Variants in KIAA1958 observed in about 807,000 individuals in gnomAD.
KIAA1958 encodes the protein uncharacterized protein KIAA1958.
KIAA1958 carries 14 observed loss-of-function variants against 47.2 expected under a neutral mutation model. That is an observed-to-expected ratio of 0.30 (90% CI 0.20 to 0.46). KIAA1958 has a LOEUF of 0.46. Among genes scored for constraint, KIAA1958 ranks in the 20% least tolerant of loss-of-function variants. KIAA1958 has a pLI of 1.00. For synonymous variants in KIAA1958, 354 were observed against 353.3 expected, an observed-to-expected ratio of 1.00 and a Z score of -0.02; for missense variants, 803 against 909.2, an observed-to-expected ratio of 0.88 and a Z score of 1.50.
intron 1 of KIAA1958, among the ~76,000 whole-genome samples, chr9:112,491,566 T>G (rs1833970455): frequency 6.6e-6 from 1 of 151,900 alleles, no homozygotes; most frequent in South Asian, 2.1e-4. Context: ...TTGTTTTTTT[T>G]GTTTTTTTTT....
intron 2 of KIAA1958, among the ~76,000 whole-genome samples, chr9:112,616,411 C>T (rs940231793): frequency 6.6e-6 from 1 of 151,970 alleles, no homozygotes; most frequent in Non-Finnish European, 1.5e-5. Context: ...TATAGTAATA[C>T]AAAAAGTAGT....
rs892359324 is a variant in KIAA1958, at chr9:112,612,246, C to CA, written c.1172-33394dup. ...AACTTCGTAAGACCCCCATCTCTAACAAAAAAAAAACATGTATTTTTTTAA... is the reference window on the plus strand; with the variant it reads ...AACTTCGTAAGACCCCCATCTCTAACAAAAAAAAAAACATGTATTTTTTTAA... On this transcript the variant is annotated intron_variant, in intron 2 of 3. Transcript: ENST00000337530. 5.0e-3 allele frequency among the ~76,000 whole-genome samples: 730 copies of CA among 146,700 alleles called. 9 individuals are homozygous for CA. The highest frequency in any genetic ancestry group is 0.015 in the African/African-American group (605 of 40,082).
At chr9:112,542,494 A>G (rs1339586790) in intron 1 of KIAA1958, among the ~76,000 whole-genome samples, 1 of 152,224 alleles carries the variant, frequency 6.6e-6, no homozygotes, top group East Asian at 1.9e-4. Context: ...TATGAAGACT[A>G]AACTACTCTA....
intron 1 of KIAA1958, among the ~76,000 whole-genome samples, chr9:112,571,303 A>C (rs1340950650): frequency 6.6e-6 from 1 of 152,234 alleles, no homozygotes; most frequent in Non-Finnish European, 1.5e-5. Flanking sequence ...TTCCAAATAA[A>C]GACAATAACA....
intron 1 of KIAA1958, among the ~76,000 whole-genome samples, chr9:112,516,447 T>C (rs1308066023): frequency 6.6e-6 from 1 of 152,228 alleles, no homozygotes; most frequent in Non-Finnish European, 1.5e-5. Context: ...ATTGCTGATA[T>C]AAATTTAAAA....
At chr9:112,515,974 T>C (rs966961129) in intron 1 of KIAA1958, among the ~76,000 whole-genome samples, 7 of 142,240 alleles carry the variant, frequency 4.9e-5, no homozygotes, top group Non-Finnish European at 9.1e-5. Context: ...TTCTAGACAG[T>C]GAAATAAAGG....
At chr9:112,625,407 G>A (rs896088248) in intron 2 of KIAA1958, among the ~76,000 whole-genome samples, 3 of 152,100 alleles carry the variant, frequency 2.0e-5, no homozygotes, top group African/African-American at 7.2e-5. Flanking sequence ...CCCCACCTCA[G>A]CCTCCCAAAG....
chr9:112,580,786 C>A (rs1462784722), intron 2 of KIAA1958, among the ~76,000 whole-genome samples: 1 of 146,720 alleles, frequency 6.8e-6, no homozygotes, highest in African/African-American at 2.5e-5. Context: ...GACTCCATCT[C>A]AAAAAAAAAA....
At chr9:112,647,696 CACA>C (rs1836999025) in intron 3 of KIAA1958, among the ~76,000 whole-genome samples, 1 of 152,180 alleles carries the variant, frequency 6.6e-6, no homozygotes, top group African/African-American at 2.4e-5. Context: ...GAAAACCAGA[CACA>C]ACATGTGAAA....
intron 1 of KIAA1958, among the ~76,000 whole-genome samples, chr9:112,526,903 C>A (rs1834667593): frequency 6.6e-6 from 1 of 152,190 alleles, no homozygotes; most frequent in Admixed American, 6.5e-5. Flanking sequence ...AAGAAATCCT[C>A]TCTGGACAGC....
At chr9:112,584,955 T>C (rs1835799225) in intron 2 of KIAA1958, among the ~76,000 whole-genome samples, 1 of 152,220 alleles carries the variant, frequency 6.6e-6, no homozygotes, top group Admixed American at 6.5e-5. Context: ...TCCTTTTATG[T>C]CACATCATGC....
At chr9:112,530,543 T>C (rs559963866) in intron 1 of KIAA1958, among the ~76,000 whole-genome samples, 31 of 152,158 alleles carry the variant, frequency 2.0e-4, no homozygotes, top group African/African-American at 6.7e-4. Flanking sequence ...ATTGGTTTTA[T>C]TTTTTGTAGT....
In KIAA1958 at chr9:112,618,989, TC is replaced by T; in HGVS notation, c.1172-26657del. 7.0e-7 allele frequency: 1 copy of T among 1,435,990 alleles called. No individual in the cohort carries two copies. Among genetic ancestry groups the T allele is most frequent in the South Asian group, 1.6e-5 (1 of 64,274 alleles). The allele number at this position is 1,435,990 out of a possible 1,614,324, so 89.0% of individuals were successfully genotyped here. ...ACTGTGATTATACACCGCTTCTCGT[TC>T]CCCTTCCTGTGCCCTCAGTGTTAAT... On this transcript the variant is annotated intron_variant, in intron 2 of 3. Transcript: ENST00000337530. The surrounding 1 kb of genome is among the most constrained non-coding windows in gnomAD (Gnocchi z 7.1).
intron 1 of KIAA1958, among the ~76,000 whole-genome samples, chr9:112,533,362 G>A (rs2132813441): frequency 6.6e-6 from 1 of 151,750 alleles, no homozygotes; most frequent in Non-Finnish European, 1.5e-5. Context: ...GGATCATGAG[G>A]TCAGGAGATC....
chr9:112,503,423 G>A (rs541815934), intron 1 of KIAA1958, among the ~76,000 whole-genome samples: 129 of 152,188 alleles, frequency 8.5e-4, no homozygotes, highest in Non-Finnish European at 2.4e-4. Context: ...GCAGGCCGGG[G>A]TGGGAGGACT....
At chr9:112,639,471 A>G (rs1467541384) in intron 2 of KIAA1958, among the ~76,000 whole-genome samples, 6 of 152,134 alleles carry the variant, frequency 3.9e-5, no homozygotes, top group African/African-American at 1.2e-4. Flanking sequence ...TGCTTAGGCT[A>G]TGACACCTTA....
At chr9:112,508,725 A>G (rs189268873) in intron 1 of KIAA1958, among the ~76,000 whole-genome samples, 2 of 152,362 alleles carry the variant, frequency 1.3e-5, no homozygotes, top group East Asian at 3.9e-4. Context: ...AAAAATATGC[A>G]TTATTAAACA....
intron 2 of KIAA1958, among the ~76,000 whole-genome samples, chr9:112,594,010 A>G (rs1315158404): frequency 3.3e-5 from 5 of 152,108 alleles, no homozygotes; most frequent in African/African-American, 1.2e-4. Flanking sequence ...GACTACAGGC[A>G]TGCACTACCA....
At chr9:112,505,178 A>G (rs1020436255) in intron 1 of KIAA1958, among the ~76,000 whole-genome samples, 4 of 152,154 alleles carry the variant, frequency 2.6e-5, no homozygotes, top group Non-Finnish European at 5.9e-5. Context: ...ACTTAAGATA[A>G]TGACTTCCAG....
Sources: allele counts gnomAD v4.1 joint callset (sites outside exome capture counted in the v4.1 genomes callset), GRCh38; gene constraint gnomAD v4.1.1; non-coding constraint Gnocchi (gnomAD v3.1); transcripts MANE v1.5; gene names NCBI Gene and HGNC (gene_info 2026-07-23, HGNC 2026-07-21).